THSD7A: variants seen among roughly 807,000 people sequenced by gnomAD.
The protein encoded by THSD7A is thrombospondin type-1 domain-containing protein 7A.
A neutral mutation model predicts 231.3 loss-of-function variants in THSD7A; 96 were observed. The ratio of observed to expected loss-of-function variants is 0.41; its 90% CI spans 0.35 to 0.49. The LOEUF is 0.49. Among genes scored for constraint, THSD7A ranks in the 20% least tolerant of loss-of-function variants. THSD7A has a pLI of 0.05. For missense variants in THSD7A, 2,290 were observed against 2,070.2 expected (o/e 1.11, Z -2.06); for synonymous variants, 940 against 743.3 (o/e 1.26, Z -4.30).
At chr7:11,826,287 T>C (rs950746366) in intron 1 of THSD7A, among the ~76,000 whole-genome samples, 3 of 152,220 alleles carry the variant, frequency 2.0e-5, no homozygotes, top group Admixed American at 2.0e-4. Flanking sequence ...ATGGCTATTA[T>C]GTACATGTTT....
chr7:11,384,322 G>A (rs1028584238), intron 23 of THSD7A: 2 of 151,648 alleles, frequency 1.3e-5, no homozygotes, highest in Non-Finnish European at 2.9e-5. Context: ...TATTTTTCAA[G>A]TTTGTGGCTT....
intron 2 of THSD7A, among the ~76,000 whole-genome samples, chr7:11,598,437 G>T (rs975356655): frequency 6.6e-6 from 1 of 152,112 alleles, no homozygotes; most frequent in Non-Finnish European, 1.5e-5. Flanking sequence ...CCCTGTCATC[G>T]CCCAGTGGGC....
At chr7:11,797,970 A>G (rs1311421427) in intron 1 of THSD7A, among the ~76,000 whole-genome samples, 1 of 152,168 alleles carries the variant, frequency 6.6e-6, no homozygotes, top group Non-Finnish European at 1.5e-5. Flanking sequence ...AAAATTTCTC[A>G]GCCATCTCGA....
At chr7:11,611,844 A>ATCTATCTG (rs1780941651) in intron 2 of THSD7A, among the ~76,000 whole-genome samples, 1 of 97,472 alleles carries the variant, frequency 1.0e-5, no homozygotes, top group Admixed American at 9.2e-5. Context: ...TCATCTGTCT[A>ATCTATCTG]TCTATCTATC....
chr7:11,714,396 T>C (rs1271712984), intron 1 of THSD7A, among the ~76,000 whole-genome samples: 2 of 151,228 alleles, frequency 1.3e-5, no homozygotes, highest in Non-Finnish European at 3.0e-5. Flanking sequence ...ATATGTATTT[T>C]GTCAATTAAT....
chr7:11,717,969 T>C (rs1781200269), intron 1 of THSD7A, among the ~76,000 whole-genome samples: 1 of 151,574 alleles, frequency 6.6e-6, no homozygotes, highest in Non-Finnish European at 1.5e-5. Context: ...ATTCAAAATT[T>C]CATCCCCTGA....
chr7:11,535,296 G>T (rs2107144), intron 6 of THSD7A, among the ~76,000 whole-genome samples: 12,504 of 152,036 alleles, frequency 0.082, 787 homozygotes, highest in East Asian at 0.17. Flanking sequence ...TTTTTACTAA[G>T]ATATCCAAGT....
At chr7:11,642,863 C>T (rs1451065948) in intron 1 of THSD7A, among the ~76,000 whole-genome samples, 1 of 151,976 alleles carries the variant, frequency 6.6e-6, no homozygotes, top group East Asian at 1.9e-4. Context: ...AAAACTGTCT[C>T]TTTATTTCAG....
rs1304780511 is a variant in THSD7A at position 11,639,361 on chromosome 7, C to T, written c.191-2400G>A. 2.0e-5 allele frequency among the ~76,000 whole-genome samples: 3 copies of T among 152,098 alleles called. No homozygotes were observed. The East Asian group carries it at 5.8e-4, about 29-fold the overall frequency. ...ACATAACTGTACATTTTTAGGTAGGCAGCACTATTATTAATAGTTGTGATT... is the reference window on the plus strand; with the variant it reads ...ACATAACTGTACATTTTTAGGTAGGTAGCACTATTATTAATAGTTGTGATT... On this transcript the variant is annotated intron_variant, in intron 1 of 27. Coordinates refer to ENST00000423059, the MANE Select transcript of THSD7A (RefSeq NM_015204.3).
chr7:11,697,365 T>C (rs1034833406), intron 1 of THSD7A, among the ~76,000 whole-genome samples: 2 of 151,336 alleles, frequency 1.3e-5, no homozygotes, highest in Non-Finnish European at 3.0e-5. Context: ...TTCTTATTTA[T>C]TTTTAACTCT....
chr7:11,568,624 C>CAAAAAAA (rs33930587), intron 4 of THSD7A, among the ~76,000 whole-genome samples: 8 of 48,996 alleles, frequency 1.6e-4, no homozygotes, highest in Non-Finnish European at 2.7e-4. Flanking sequence ...AACTCCGTCT[C>CAAAAAAA]AAAAAAAAAA....
intron 1 of THSD7A, among the ~76,000 whole-genome samples, chr7:11,781,499 A>G (rs10242204): frequency 0.84 from 128,084 of 151,984 alleles, 54,477 homozygotes; most frequent in African/African-American, 0.96. Context: ...GGGAAGGAAA[A>G]GTTATTCTGA....
At chr7:11,613,293 A>T (rs34655410) in intron 2 of THSD7A, among the ~76,000 whole-genome samples, 15,541 of 152,224 alleles carry the variant, frequency 0.1, 950 homozygotes, top group East Asian at 0.24. Context: ...AGCATACACA[A>T]CATTTAAGTG....
At chr7:11,521,816 C>T (rs1039551266) in intron 6 of THSD7A, among the ~76,000 whole-genome samples, 2 of 151,716 alleles carry the variant, frequency 1.3e-5, no homozygotes, top group Non-Finnish European at 2.9e-5. Context: ...GAAGTTACCT[C>T]AACTTCAATG....
At chr7:11,478,211 C>CA (rs1265723255) in intron 7 of THSD7A, among the ~76,000 whole-genome samples, 1 of 152,174 alleles carries the variant, frequency 6.6e-6, no homozygotes, top group Non-Finnish European at 1.5e-5. Flanking sequence ...TACATGAGGC[C>CA]ACCCACATGA....
intron 1 of THSD7A, among the ~76,000 whole-genome samples, chr7:11,731,944 T>C (rs947807118): frequency 3.3e-5 from 5 of 151,716 alleles, no homozygotes; most frequent in Admixed American, 3.3e-4. Flanking sequence ...AGCATCAGAA[T>C]CCTTAGTACA....
intron 2 of THSD7A, among the ~76,000 whole-genome samples, chr7:11,627,962 C>T (rs992539145): frequency 6.6e-6 from 1 of 151,852 alleles, no homozygotes; most frequent in Non-Finnish European, 1.5e-5. Flanking sequence ...ATTAATAATG[C>T]ACCTCCTCAT....
In THSD7A at chr7:11,462,003, A is replaced by C; in HGVS notation, c.2501+8T>G. 1 of 1,612,912 alleles carries C rather than the reference A, an allele frequency of 6.2e-7. No homozygotes were observed. The highest frequency in any genetic ancestry group is 1.1e-5 in the South Asian group (1 of 91,018). Reference sequence around the variant, plus strand: ...CTCCTCCCTCACGATGCATTTCTCTAACCCTACCTGTAGCTTTGGCACGCT... The same window carrying C: ...CTCCTCCCTCACGATGCATTTCTCTCACCCTACCTGTAGCTTTGGCACGCT... On this transcript the variant is annotated splice_region_variant and intron_variant, in intron 10 of 27. Transcript: ENST00000423059.
chr7:11,379,195 A>C lies in THSD7A; in HGVS notation c.4676T>G (p.Val1559Gly). Residue 1559 changes from valine to glycine, a missense_variant, in exon 26 of 28, where the codon GTG (valine) becomes GGG (glycine). Transcript: ENST00000423059. ...TLEQCTLIPV[V>G]VLPTMEDKRG... ...TTTGTCCTCCATGGTGGGTAATACC[A>C]CCACGGGGATAAGTGTGCATTGCTC... 1 of 1,613,666 alleles carries C rather than the reference A, an allele frequency of 6.2e-7. No homozygotes were observed. The highest frequency in any genetic ancestry group is 1.1e-5 in the South Asian group (1 of 91,076).
Sources: allele counts gnomAD v4.1 joint callset (sites outside exome capture counted in the v4.1 genomes callset), GRCh38; gene constraint gnomAD v4.1.1; transcripts MANE v1.5; gene names NCBI Gene and HGNC (gene_info 2026-07-23, HGNC 2026-07-21).